Variants in YPEL1 observed in about 807,000 individuals in gnomAD.
YPEL1 encodes yippee like 1.
Under a neutral mutation model 17.3 loss-of-function variants are expected in YPEL1, and 7 were observed. That is an observed-to-expected ratio of 0.40 (90% confidence interval 0.23 to 0.76). The LOEUF (loss-of-function observed/expected upper bound fraction) is 0.76, where lower values mean the gene tolerates loss of function less well. Among genes scored for constraint, YPEL1 ranks in the 30% least tolerant of loss-of-function variants. The pLI is 0.35. For synonymous variants in YPEL1, 59 were observed against 59.6 expected (o/e 0.99, Z 0.05); for missense variants, 91 against 155.5 (o/e 0.59, Z 2.21).
chr22:21,712,453 G>A (rs1251231282), intron 1 of YPEL1, among the ~76,000 whole-genome samples: 6 of 150,196 alleles, frequency 4.0e-5, no homozygotes, highest in South Asian at 2.1e-4. Flanking sequence ...TGGGCCCGGC[G>A]TGGTGGCTCA....
intron 1 of YPEL1, among the ~76,000 whole-genome samples, chr22:21,726,395 T>A (rs1043862055): frequency 1.3e-5 from 2 of 152,208 alleles, no homozygotes; most frequent in Non-Finnish European, 2.9e-5. Context: ...GGCCGTTGAA[T>A]TCTCACAACA....
intron 2 of YPEL1, among the ~76,000 whole-genome samples, chr22:21,705,716 AAAC>A (rs982804078): frequency 6.6e-5 from 10 of 152,152 alleles, no homozygotes; most frequent in Non-Finnish European, 8.8e-5. Context: ...TTAGGAAAAC[AAAC>A]AACAACAACA....
chr22:21,731,508 A>G (rs532825425), intron 1 of YPEL1, among the ~76,000 whole-genome samples: 1 of 151,432 alleles, frequency 6.6e-6, no homozygotes, highest in Admixed American at 6.6e-5. Context: ...ATCAGACATT[A>G]AAGGCCCTGT....
At chr22:21,717,429 A>C (rs1211714600) in intron 1 of YPEL1, among the ~76,000 whole-genome samples, 2 of 151,866 alleles carry the variant, frequency 1.3e-5, no homozygotes, top group Non-Finnish European at 2.9e-5. Flanking sequence ...TATGAGTCTT[A>C]AACTAAGAGA....
At chr22:21,715,075 G>A (rs929278468) in intron 1 of YPEL1, among the ~76,000 whole-genome samples, 11 of 152,180 alleles carry the variant, frequency 7.2e-5, no homozygotes, top group African/African-American at 2.7e-4. Flanking sequence ...TGTATGTATA[G>A]TATGTGGATA....
chr22:21,727,637 G>A (rs954992968), intron 1 of YPEL1, among the ~76,000 whole-genome samples: 1 of 152,188 alleles, frequency 6.6e-6, no homozygotes, highest in East Asian at 1.9e-4. Context: ...ATATGGTGCC[G>A]GTAGCACACT....
intron 1 of YPEL1, among the ~76,000 whole-genome samples, chr22:21,720,177 C>CA (rs1292044683): frequency 0.068 from 5,499 of 81,360 alleles, 245 homozygotes; most frequent in East Asian, 0.22. Context: ...GACTCTGTAT[C>CA]AAAAAAAAAA....
Position 21,718,032 on chromosome 22 carries a change from G to T in YPEL1, c.-164-7124C>A, listed in dbSNP as rs1194718094. On this transcript the variant is annotated intron_variant, in intron 1 of 4. Transcript: ENST00000339468. ...TGTGGTCCCAGCTACTAGGGAGGCT[G>T]AAGTGGGAGGATTGCTTGAGCCCAA... is the stretch of plus-strand genomic sequence containing the variant. Among the ~76,000 whole-genome samples, 3 of 151,248 alleles carry T rather than the reference G, an allele frequency of 2.0e-5. No individual in the cohort carries two copies. The East Asian group carries it at 5.9e-4, about 30-fold the overall frequency.
At position 21,698,397 on chromosome 22, in the gene YPEL1, A is replaced by AAAT. The variant is rs1413718121; in HGVS notation, c.*2729_*2731dup. The AAAT allele has an allele frequency of 6.6e-6, 1 of 152,352 alleles. No homozygotes were observed. Among genetic ancestry groups the AAAT allele is most frequent in the Non-Finnish European group, 1.5e-5 (1 of 68,036 alleles). 9.4% of individuals were successfully genotyped at this position (152,352 alleles called of 1,614,324 possible). On this transcript the variant is annotated 3_prime_UTR_variant, in exon 5 of 5. Transcript: ENST00000339468. ...AACTTGCCCAAAACAGAAAAGCTCT[A>AAAT]AATAGAACTTTAGTATATACAAAAA...
At chr22:21,728,236 C>T (rs941251113) in intron 1 of YPEL1, among the ~76,000 whole-genome samples, 1 of 152,164 alleles carries the variant, frequency 6.6e-6, no homozygotes, top group South Asian at 2.1e-4. Context: ...CTCGGCCACC[C>T]CTTCCTTCCC....
chr22:21,725,856 G>T (rs142129597), intron 1 of YPEL1, among the ~76,000 whole-genome samples: 9 of 151,874 alleles, frequency 5.9e-5, no homozygotes, highest in Middle Eastern at 3.4e-3. Flanking sequence ...AAAAATAGCC[G>T]GGCACGGTGG....
At chr22:21,722,569 A>T (rs1317914643) in intron 1 of YPEL1, among the ~76,000 whole-genome samples, 1 of 151,940 alleles carries the variant, frequency 6.6e-6, no homozygotes, top group Non-Finnish European at 1.5e-5. Flanking sequence ...GTGAGCCGAC[A>T]TCGTGCCACT....
At chr22:21,728,880 C>G (rs1336164084) in intron 1 of YPEL1, among the ~76,000 whole-genome samples, 1 of 152,122 alleles carries the variant, frequency 6.6e-6, no homozygotes, top group Non-Finnish European at 1.5e-5. Flanking sequence ...CACTGGCTCA[C>G]GCCTGTAATC....
chr22:21,709,899 C>T (rs966459859), intron 2 of YPEL1, among the ~76,000 whole-genome samples: 4 of 146,976 alleles, frequency 2.7e-5, no homozygotes, highest in Non-Finnish European at 4.5e-5. Flanking sequence ...ACCTGAGGAT[C>T]GGTGGTCATG....
chr22:21,720,817 T>G (rs1385521954), intron 1 of YPEL1, among the ~76,000 whole-genome samples: 3 of 148,780 alleles, frequency 2.0e-5, no homozygotes, highest in Admixed American at 1.3e-4. Flanking sequence ...GATTTTGTTT[T>G]TTTTTTTTTT....
At chr22:21,721,794 C>T (rs956841518) in intron 1 of YPEL1, among the ~76,000 whole-genome samples, 68 of 151,956 alleles carry the variant, frequency 4.5e-4, no homozygotes, top group Non-Finnish European at 8.2e-4. Context: ...TGTAGACTCT[C>T]GGTACAATGG....
intron 1 of YPEL1, among the ~76,000 whole-genome samples, chr22:21,724,207 C>T (rs1415117105): frequency 6.6e-6 from 1 of 152,148 alleles, no homozygotes; most frequent in Non-Finnish European, 1.5e-5. Flanking sequence ...AACCTCATCA[C>T]ACTCTGCTTA....
chr22:21,716,426 G>C (rs989558574), intron 1 of YPEL1, among the ~76,000 whole-genome samples: 1 of 152,252 alleles, frequency 6.6e-6, no homozygotes, highest in Non-Finnish European at 1.5e-5. Flanking sequence ...CCAGAGAGGC[G>C]AGCCAAGCCG....
chr22:21,719,797 G>A (rs567243175), intron 1 of YPEL1, among the ~76,000 whole-genome samples: 235 of 152,198 alleles, frequency 1.5e-3, no homozygotes, highest in African/African-American at 4.5e-3. Flanking sequence ...GGAGGCCCAG[G>A]CGGGTGGATC....
Sources: allele counts gnomAD v4.1 joint callset (sites outside exome capture counted in the v4.1 genomes callset), GRCh38; gene constraint gnomAD v4.1.1; transcripts MANE v1.5; gene names NCBI Gene and HGNC (gene_info 2026-07-23, HGNC 2026-07-21).